ELMO1: variants seen among roughly 807,000 people sequenced by gnomAD.
The protein encoded by ELMO1 is engulfment and cell motility 1, also known as engulfment and cell motility protein 1.
Under a neutral mutation model 98.9 loss-of-function variants are expected in ELMO1, and 26 were observed. That is an observed-to-expected ratio of 0.26 (90% CI 0.19 to 0.36). The LOEUF is 0.36. Among genes scored for constraint, ELMO1 ranks in the 10% least tolerant of loss-of-function variants. The probability of loss-of-function intolerance (pLI) is 1.00; values close to 1 mark genes in which losing one functional copy is unlikely to be tolerated. For synonymous variants in ELMO1, 346 were observed against 346.0 expected, an observed-to-expected ratio of 1.00 and a Z score of 0.00; for missense variants, 627 against 935.2, an observed-to-expected ratio of 0.67 and a Z score of 4.30.
intron 2 of ELMO1, among the ~76,000 whole-genome samples, chr7:37,321,858 T>C (rs34055656): frequency 0.36 from 26,896 of 75,696 alleles, 2,740 homozygotes; most frequent in African/African-American, 0.53. Context: ...AGTAACTCCC[T>C]TTTTTTTTTT....
chr7:36,866,028 C>A (rs1803008341), intron 20 of ELMO1, among the ~76,000 whole-genome samples: 1 of 152,270 alleles, frequency 6.6e-6, no homozygotes, highest in South Asian at 2.1e-4. Flanking sequence ...TTAATTCTGG[C>A]AAATGGGAAG....
intron 1 of ELMO1, among the ~76,000 whole-genome samples, chr7:37,417,369 A>T (rs1281611124): frequency 6.6e-6 from 1 of 152,224 alleles, no homozygotes; most frequent in African/African-American, 2.4e-5. Flanking sequence ...TACTAAAAAA[A>T]TGCAAAAATT....
At chr7:37,269,098 T>C (rs1004094663) in intron 5 of ELMO1, among the ~76,000 whole-genome samples, 2 of 152,250 alleles carry the variant, frequency 1.3e-5, no homozygotes, top group Non-Finnish European at 2.9e-5. Context: ...GTTTTTAACA[T>C]ATTTTTATTG....
chr7:37,032,313 C>A (rs957443885), intron 15 of ELMO1, among the ~76,000 whole-genome samples: 1 of 152,152 alleles, frequency 6.6e-6, no homozygotes, highest in Non-Finnish European at 1.5e-5. Flanking sequence ...ATTGGCACTA[C>A]TTATTTTTAA....
chr7:37,103,405 A>C (rs560181427), intron 14 of ELMO1, among the ~76,000 whole-genome samples: 1 of 151,850 alleles, frequency 6.6e-6, no homozygotes, highest in East Asian at 1.9e-4. Context: ...CATTCTCAGC[A>C]AACTATCGCA....
intron 16 of ELMO1, among the ~76,000 whole-genome samples, chr7:36,956,115 C>G (rs185529715): frequency 6.6e-6 from 1 of 152,184 alleles, no homozygotes; most frequent in Non-Finnish European, 1.5e-5. Flanking sequence ...TTTCTGAGAG[C>G]CTTTTCTTGT....
chr7:37,369,332 C>A (rs1169739721), intron 1 of ELMO1, among the ~76,000 whole-genome samples: 2 of 152,138 alleles, frequency 1.3e-5, no homozygotes, highest in Non-Finnish European at 2.9e-5. Flanking sequence ...GGCTGAGCAT[C>A]CCTAATCCAA....
chr7:37,238,985 G>GT, intron 7 of ELMO1, among the ~76,000 whole-genome samples: 1 of 151,940 alleles, frequency 6.6e-6, no homozygotes, highest in Admixed American at 6.6e-5. Context: ...TTTATTTCCT[G>GT]TATTGTCTTT....
chr7:37,232,289 C>T (rs751413207), intron 8 of ELMO1, among the ~76,000 whole-genome samples: 1 of 152,184 alleles, frequency 6.6e-6, no homozygotes, highest in Non-Finnish European at 1.5e-5. Context: ...TTCCAAACAT[C>T]TCTTTATTCC....
At chr7:37,238,326 C>A (rs992682731) in intron 7 of ELMO1, among the ~76,000 whole-genome samples, 1 of 152,058 alleles carries the variant, frequency 6.6e-6, no homozygotes, top group Non-Finnish European at 1.5e-5. Flanking sequence ...GATTTTGATA[C>A]TTTATAAGTG....
intron 1 of ELMO1, among the ~76,000 whole-genome samples, chr7:37,423,561 C>A (rs776404189): frequency 3.9e-5 from 6 of 152,032 alleles, no homozygotes; most frequent in Non-Finnish European, 5.9e-5. Context: ...GCCCGGGTGA[C>A]AGAGCCAGAC....
intron 15 of ELMO1, among the ~76,000 whole-genome samples, chr7:37,063,213 GA>G (rs1348648912): frequency 6.6e-6 from 1 of 152,000 alleles, no homozygotes; most frequent in Non-Finnish European, 1.5e-5. Context: ...CATTCAAATG[GA>G]TGCTCACACC....
chr7:37,145,120 C>T (rs528708887), intron 13 of ELMO1, among the ~76,000 whole-genome samples: 6 of 152,312 alleles, frequency 3.9e-5, no homozygotes, highest in African/African-American at 1.4e-4. Context: ...GCTGGCCCCA[C>T]CCCAAGTCTC....
At chr7:37,000,916 CAT>C (rs746528123) in intron 16 of ELMO1, among the ~76,000 whole-genome samples, 1 of 147,012 alleles carries the variant, frequency 6.8e-6, no homozygotes, top group African/African-American at 2.6e-5. Flanking sequence ...GGGATATATA[CAT>C]ATATATATGT....
At chr7:36,971,294 T>C (rs986964742) in intron 16 of ELMO1, among the ~76,000 whole-genome samples, 6 of 152,248 alleles carry the variant, frequency 3.9e-5, no homozygotes, top group African/African-American at 1.4e-4. Flanking sequence ...CAGGTGGTGA[T>C]AATTAAATTA....
chr7:37,112,893 T>C (rs1408082501), intron 14 of ELMO1, among the ~76,000 whole-genome samples: 1 of 152,208 alleles, frequency 6.6e-6, no homozygotes, highest in Non-Finnish European at 1.5e-5. Context: ...CATTACCACC[T>C]AAATTTTATT....
intron 7 of ELMO1, among the ~76,000 whole-genome samples, chr7:37,242,343 A>G (rs1794804162): frequency 1.3e-5 from 2 of 152,262 alleles, no homozygotes; most frequent in South Asian, 4.1e-4. Flanking sequence ...CCATCTGTGC[A>G]TTCATTACAC....
chr7:36,898,272 C>T (rs901660984), intron 16 of ELMO1, among the ~76,000 whole-genome samples: 4 of 152,170 alleles, frequency 2.6e-5, no homozygotes, highest in African/African-American at 9.7e-5. Context: ...ACACCCTTTA[C>T]CATTTGTTTG....
chr7:37,102,988 G>A (rs943649148), intron 14 of ELMO1, among the ~76,000 whole-genome samples: 10 of 152,186 alleles, frequency 6.6e-5, no homozygotes, highest in African/African-American at 2.4e-4. Flanking sequence ...CTACTTCTTG[G>A]TGACTTTGTA....
Sources: gnomAD v4.1 joint callset for allele counts (sites outside exome capture counted in the v4.1 genomes callset) on GRCh38, gnomAD v4.1.1 for gene constraint, MANE v1.5 for transcripts, NCBI Gene and HGNC (gene_info 2026-07-23, HGNC 2026-07-21) for gene names.